Variants in HMCN2 observed in about 807,000 individuals in gnomAD.
HMCN2 encodes the protein hemicentin 2.
HMCN2 carries 325 observed loss-of-function variants against 377.5 expected under a neutral mutation model. That is an observed-to-expected ratio of 0.86 (90% CI 0.79 to 0.94). HMCN2 has a LOEUF of 0.94. Among genes scored for constraint, HMCN2 ranks in the 40% least tolerant of loss-of-function variants. The pLI is 0.00. For synonymous variants in HMCN2, 2,007 were observed against 2,046.8 expected (o/e 0.98, Z 0.53); for missense variants, 4,543 against 4,725.3 (o/e 0.96, Z 1.13).
intron 15 of HMCN2, among the ~76,000 whole-genome samples, chr9:130,319,014 C>T (rs1837710149): frequency 1.3e-5 from 2 of 152,138 alleles, no homozygotes; most frequent in South Asian, 4.1e-4. Flanking sequence ...TGGCTTAGGC[C>T]AGGGGCTTAA....
At chr9:130,278,028 G>C (rs58739599) in intron 1 of HMCN2, among the ~76,000 whole-genome samples, 1,366 of 4,712 alleles carry the variant, frequency 0.29, 354 homozygotes, top group South Asian at 0.41. Context: ...CCACCACCAC[G>C]ATCATCACCA....
In HMCN2 at chr9:130,304,205, T is replaced by C. The variant is rs1282871067; in HGVS notation, c.1544-525T>C. 1.3e-5 allele frequency among the ~76,000 whole-genome samples: 2 copies of C among 152,172 alleles called. No homozygotes were observed. The highest frequency in any genetic ancestry group is 4.8e-5 in the African/African-American group (2 of 41,456). Reference sequence around the variant, plus strand: ...CCATTCTGCCATTTGATTTACTCCCTTTTAGGTTTTTTTCTATGTTCAGCA... The same window carrying C: ...CCATTCTGCCATTTGATTTACTCCCCTTTAGGTTTTTTTCTATGTTCAGCA... On this transcript the variant is annotated intron_variant, in intron 10 of 97. Transcript: ENST00000683500. This position sits in a 1 kb window ranked among gnomAD's most constrained non-coding sequence, Gnocchi z 4.3.
At chr9:130,333,781 G>T (rs1439341075) in intron 22 of HMCN2, among the ~76,000 whole-genome samples, 1 of 152,216 alleles carries the variant, frequency 6.6e-6, no homozygotes, top group African/African-American at 2.4e-5. Flanking sequence ...CAGGTGGTAG[G>T]CTGCCCTCGA....
chr9:130,397,259 A>G (rs1842651975), intron 73 of HMCN2, among the ~76,000 whole-genome samples: 2 of 152,120 alleles, frequency 1.3e-5, no homozygotes, highest in Admixed American at 1.3e-4. Flanking sequence ...CGTTTTTAAA[A>G]CCATCAGATC....
intron 85 of HMCN2, among the ~76,000 whole-genome samples, chr9:130,415,741 A>G (rs966795502): frequency 2.0e-5 from 3 of 152,220 alleles, no homozygotes; most frequent in African/African-American, 7.2e-5. Flanking sequence ...CACGATGGCC[A>G]GGGATTGTGG....
At chr9:130,275,265 C>T (rs1459329455) in intron 1 of HMCN2, among the ~76,000 whole-genome samples, 1 of 152,158 alleles carries the variant, frequency 6.6e-6, no homozygotes, top group Non-Finnish European at 1.5e-5. Flanking sequence ...GCGGCTCCAT[C>T]ATCTTTCCCA....
In HMCN2 at chr9:130,433,682, T is replaced by A; in HGVS notation, c.15229T>A (p.Tyr5077Asn). The A allele has an allele frequency of 6.7e-7, 1 of 1,488,706 alleles. No individual in the cohort carries two copies. Among genetic ancestry groups the A allele is most frequent in the South Asian group, 1.3e-5 (1 of 75,898 alleles). 92.2% of individuals were successfully genotyped at this position (1,488,706 alleles called of 1,614,324 possible). Residue 5077 changes from tyrosine to asparagine, a missense_variant, in exon 98 of 98, where the codon TAC (tyrosine) becomes AAC (asparagine). By Grantham distance (143) the Tyr-to-Asn change is moderately radical. This residue lies in a region of HMCN2 where 1,155 missense variants were observed against 1,157.7 expected (regional missense o/e 1.00). Coordinates refer to ENST00000683500, the MANE Select transcript of HMCN2 (RefSeq NM_001291815.2). ...CGTCTTGCTCATCGCCGTGTCCCCCTACCCCTACTAAACGGGAGAGGGCAT... is the reference window on the plus strand; with the variant it reads ...CGTCTTGCTCATCGCCGTGTCCCCCAACCCCTACTAAACGGGAGAGGGCAT... ...VFVLLIAVSP[Y>N]PY
chr9:130,289,370 C>T (rs1184559528), intron 4 of HMCN2, among the ~76,000 whole-genome samples: 2 of 152,070 alleles, frequency 1.3e-5, no homozygotes, highest in African/African-American at 2.4e-5. Flanking sequence ...GCTGGGGGAG[C>T]GTCTGACCAG....
At chr9:130,343,043 C>T (rs1040460293) in intron 25 of HMCN2, among the ~76,000 whole-genome samples, 33 of 152,190 alleles carry the variant, frequency 2.2e-4, no homozygotes, top group Non-Finnish European at 3.7e-4. Flanking sequence ...TGTACCAGCC[C>T]CTCTGCATGG....
At chr9:130,386,993 G>T (rs984830488) in intron 61 of HMCN2, among the ~76,000 whole-genome samples, 1 of 152,192 alleles carries the variant, frequency 6.6e-6, no homozygotes, top group African/African-American at 2.4e-5. Context: ...CCCATGGACC[G>T]CCATGACAGT....
At chr9:130,334,682 T>G (rs1838620456) in intron 22 of HMCN2, among the ~76,000 whole-genome samples, 3 of 138,726 alleles carry the variant, frequency 2.2e-5, no homozygotes, top group African/African-American at 7.6e-5. Context: ...GGAGCTGCTC[T>G]TTCTTTCTCT....
At position 130,351,516 on chromosome 9, in the gene HMCN2, C is replaced by T. The variant is rs985320814; in HGVS notation, c.4524C>T (p.Tyr1508=). The part of the protein sequence containing the change: ...TGSHVGDEGR[Y]QCVAFSPAGQ... The stretch of plus-strand genomic sequence containing the variant: ...GTCACGTGGGGGATGAGGGACGATA[C>T]CAGTGCGTGGCCTTCAGCCCAGCTG... The change falls in exon 30 of 98, where the codon TAC becomes TAT. Residue 1508 remains tyrosine (Y), a synonymous_variant. Transcript: ENST00000683500. The surrounding 1 kb of genome is among the most constrained non-coding windows in gnomAD (Gnocchi z 5.4). 3.8e-6 allele frequency: 5 copies of T among 1,304,266 alleles called. No individual in the cohort carries two copies. Among genetic ancestry groups the T allele is most frequent in the Admixed American group, 4.6e-5 (2 of 43,570 alleles). The allele number at this position is 1,304,266 out of a possible 1,614,324, so 80.8% of individuals were successfully genotyped here. A position where few individuals can be genotyped will look rare whatever the true frequency, so the allele number is the denominator to read the frequency against.
At position 130,428,629 on chromosome 9, in the gene HMCN2, G is replaced by A; in HGVS notation, c.14197+140G>A. Reference sequence around the variant, plus strand: ...ACTCTTGGCAGAAGGAGTACAGCAAGGCTGGGGACAAAGCCTGCGCCAGGC... The same window carrying A: ...ACTCTTGGCAGAAGGAGTACAGCAAAGCTGGGGACAAAGCCTGCGCCAGGC... On this transcript the variant is annotated intron_variant, in intron 93 of 97. Transcript: ENST00000683500. This position sits in a 1 kb window ranked among gnomAD's most constrained non-coding sequence, Gnocchi z 5.0. 1 of 1,239,510 alleles carries A rather than the reference G, an allele frequency of 8.1e-7. No individual in the cohort carries two copies. Among genetic ancestry groups the A allele is most frequent in the South Asian group, 1.5e-5 (1 of 64,820 alleles). The allele number at this position is 1,239,510 out of a possible 1,614,324, so 76.8% of individuals were successfully genotyped here.
intron 46 of HMCN2, among the ~76,000 whole-genome samples, chr9:130,371,708 G>C (rs1343775334): frequency 3.3e-5 from 5 of 152,236 alleles, no homozygotes; most frequent in Non-Finnish European, 5.9e-5. Flanking sequence ...TCATTTCTGA[G>C]CACTTGGTAA....
rs982283709 is a variant in HMCN2, at chr9:130,405,994, G to A, written c.12379G>A (p.Ala4127Thr). The A allele has an allele frequency of 2.3e-6, 3 of 1,289,430 alleles. No individual in the cohort carries two copies. The highest frequency in any genetic ancestry group is 3.0e-6 in the Non-Finnish European group (3 of 988,786). The allele number at this position is 1,289,430 out of a possible 1,614,324, so 79.9% of individuals were successfully genotyped here. A position where few individuals can be genotyped will look rare whatever the true frequency, so the allele number is the denominator to read the frequency against. The change falls in exon 82 of 98, where the codon GCC becomes ACC. Residue 4127 changes from alanine (A) to threonine (T), a missense_variant. Around this residue, in one of 5 missense-constraint regions of HMCN2, gnomAD observed 1,073 missense variants for 1,319.5 expected, o/e 0.81. Transcript: ENST00000683500. Reference sequence around the variant, plus strand: ...CACCTATACCTGTACCGCTGAGAACGCCGTGGGCCGGGCCCGCCGCCGCGT... The same window carrying A: ...CACCTATACCTGTACCGCTGAGAACACCGTGGGCCGGGCCCGCCGCCGCGT... ...AGTYTCTAEN[A>T]VGRARRRVHL...
At position 130,424,784 on chromosome 9, in the gene HMCN2, A is replaced by T. The variant is rs1415517992; in HGVS notation, c.13390A>T (p.Met4464Leu). The change falls in exon 88 of 98, where the codon ATG becomes TTG. Residue 4464 changes from methionine (M) to leucine (L), a missense_variant. By Grantham distance (15) the Met-to-Leu change is conservative. This residue lies in a region of HMCN2 where 1,155 missense variants were observed against 1,157.7 expected (regional missense o/e 1.00). Transcript: ENST00000683500. Reference sequence around the variant, plus strand: ...TGCCCTGCCCCACCCAGGGCCTCTGATGCGGGTGCTCGTGGTCACCATCGC... The same window carrying T: ...TGCCCTGCCCCACCCAGGGCCTCTGTTGCGGGTGCTCGTGGTCACCATCGC... Reference protein sequence around the residue: ...RHVPANVGPLMRVLVVTIAPI... With the variant: ...RHVPANVGPLLRVLVVTIAPI... 1.3e-6 allele frequency: 2 copies of T among 1,538,900 alleles called. No individual in the cohort carries two copies. Among genetic ancestry groups the T allele is most frequent in the Admixed American group, 2.0e-5 (1 of 49,470 alleles).
In HMCN2 at chr9:130,422,754, C is replaced by T; in HGVS notation, c.13381+28C>T. Reference sequence around the variant, plus strand: ...GAGTGGAAGGCAGAGCATCACCTGCCTCTGGGTTATTGTCACAGCCCAGCG... The same window carrying T: ...GAGTGGAAGGCAGAGCATCACCTGCTTCTGGGTTATTGTCACAGCCCAGCG... On this transcript the variant is annotated intron_variant, in intron 87 of 97. Transcript: ENST00000683500. The surrounding 1 kb of genome is among the most constrained non-coding windows in gnomAD (Gnocchi z 4.2). 7.9e-7 allele frequency: 1 copy of T among 1,265,068 alleles called. No homozygotes were observed. The highest frequency in any genetic ancestry group is 1.0e-6 in the Non-Finnish European group (1 of 997,568). The allele number at this position is 1,265,068 out of a possible 1,614,324, so 78.4% of individuals were successfully genotyped here.
At chr9:130,281,553 G>A (rs111947965) in intron 1 of HMCN2, among the ~76,000 whole-genome samples, 5 of 151,502 alleles carry the variant, frequency 3.3e-5, no homozygotes, top group Non-Finnish European at 7.4e-5. Flanking sequence ...AGCCAGGATC[G>A]CGCCACTGCA....
chr9:130,339,120 C>T (rs909796448), intron 23 of HMCN2, among the ~76,000 whole-genome samples: 5 of 152,138 alleles, frequency 3.3e-5, no homozygotes, highest in South Asian at 4.1e-4. Context: ...CCCAGGAGGT[C>T]GAGGCTGCAG....
Sources: gnomAD v4.1 joint callset for allele counts (sites outside exome capture counted in the v4.1 genomes callset) on GRCh38, gnomAD v4.1.1 for gene constraint, gnomAD v4.1.1 regional missense constraint, Gnocchi (gnomAD v3.1) non-coding constraint, MANE v1.5 for transcripts, NCBI Gene and HGNC (gene_info 2026-07-23, HGNC 2026-07-21) for gene names.